The following RNF150 variants were observed in gnomAD, a reference collection of about 807,000 sequenced individuals.
RNF150 encodes ring finger protein 150.
RNF150 carries 24 observed loss-of-function variants against 39.3 expected under a neutral mutation model. That is an observed-to-expected ratio of 0.61 (90% confidence interval 0.44 to 0.86). RNF150 has a LOEUF of 0.86. RNF150 is among the 40% of genes least tolerant of loss of function. The pLI, the probability that RNF150 is intolerant of heterozygous loss-of-function variation, is 0.00. For missense variants in RNF150, 502 were observed against 587.8 expected (o/e 0.85, Z 1.51); for synonymous variants, 255 against 227.3 (o/e 1.12, Z -1.10).
At chr4:140,910,982 T>C in intron 6 of RNF150, 162 bp downstream of exon 6, 1 of 644,300 alleles carries the variant, frequency 1.6e-6, no homozygotes, top group Non-Finnish European at 2.7e-6. Context: ...CTGCTGGCTC[T>C]AGGAAAGGCA....
intron 1 of RNF150, among the ~76,000 whole-genome samples, chr4:141,183,602 A>T (rs1560771591): frequency 6.6e-6 from 1 of 152,024 alleles, no homozygotes; most frequent in African/African-American, 2.4e-5. Context: ...TTTGTTATAT[A>T]TGTATACATG....
chr4:140,898,045 T>C (rs866015108), intron 6 of RNF150, among the ~76,000 whole-genome samples: 1 of 152,166 alleles, frequency 6.6e-6, no homozygotes, highest in South Asian at 2.1e-4. Flanking sequence ...ACAGTGCCTT[T>C]ACTATCTGAT....
chr4:140,989,740 C>T (rs1734132679), intron 1 of RNF150, among the ~76,000 whole-genome samples: 2 of 151,786 alleles, frequency 1.3e-5, no homozygotes. Context: ...ATCCTTTCAC[C>T]TTGCTTTTTT....
intron 1 of RNF150, among the ~76,000 whole-genome samples, chr4:141,128,429 C>T (rs1323970552): frequency 1.3e-5 from 2 of 152,156 alleles, no homozygotes; most frequent in African/African-American, 2.4e-5. Flanking sequence ...AGAGGCTACA[C>T]TCCTATTTAA....
At chr4:141,005,853 G>T (rs1240617978) in intron 1 of RNF150, among the ~76,000 whole-genome samples, 1 of 130,642 alleles carries the variant, frequency 7.7e-6, no homozygotes, top group Non-Finnish European at 1.7e-5. Flanking sequence ...CGGATCACGA[G>T]GTCAGGAGAT....
intron 6 of RNF150, among the ~76,000 whole-genome samples, chr4:140,890,276 A>G (rs1484041399): frequency 6.6e-6 from 1 of 152,204 alleles, no homozygotes; most frequent in Non-Finnish European, 1.5e-5. Context: ...TTAATTCGTT[A>G]TGTATTTAAT....
At chr4:141,184,058 T>C (rs115020311) in intron 1 of RNF150, among the ~76,000 whole-genome samples, 2 of 152,184 alleles carry the variant, frequency 1.3e-5, no homozygotes, top group Admixed American at 1.3e-4. Flanking sequence ...GTATTTCTGA[T>C]TCTAGGTCCT....
intron 2 of RNF150, among the ~76,000 whole-genome samples, chr4:140,960,982 T>C (rs979389422): frequency 1.3e-5 from 2 of 152,084 alleles, no homozygotes; most frequent in African/African-American, 2.4e-5. Context: ...AGCCTGGGCA[T>C]AGAAAGGTGA....
At chr4:140,934,520 C>A (rs115809858) in intron 4 of RNF150, among the ~76,000 whole-genome samples, 1 of 151,926 alleles carries the variant, frequency 6.6e-6, no homozygotes, top group African/African-American at 2.4e-5. Context: ...TGTCCTTCTA[C>A]GAAAAGTCTG....
chr4:140,943,143 C>T (rs1732153254), intron 4 of RNF150, among the ~76,000 whole-genome samples: 2 of 152,178 alleles, frequency 1.3e-5, no homozygotes, highest in African/African-American at 4.8e-5. Context: ...GCACCAACAT[C>T]CCAGGGTCTT....
chr4:141,163,656 G>A (rs540840453), intron 1 of RNF150, among the ~76,000 whole-genome samples: 1 of 152,294 alleles, frequency 6.6e-6, no homozygotes, highest in East Asian at 1.9e-4. Flanking sequence ...TGATACCCAG[G>A]CAAGCATGGT....
At chr4:140,962,509 A>AT (rs1406320086) in intron 2 of RNF150, among the ~76,000 whole-genome samples, 1 of 151,196 alleles carries the variant, frequency 6.6e-6, no homozygotes, top group African/African-American at 2.4e-5. Flanking sequence ...TATATATATA[A>AT]AAGTTTCTCA....
chr4:140,949,840 C>A (rs1468057700), intron 2 of RNF150, among the ~76,000 whole-genome samples: 1 of 152,244 alleles, frequency 6.6e-6, no homozygotes, highest in Non-Finnish European at 1.5e-5. Flanking sequence ...ATAGGCATAA[C>A]GTTGGTTTAA....
At chr4:141,089,428 T>G (rs1301617480) in intron 1 of RNF150, among the ~76,000 whole-genome samples, 4 of 151,994 alleles carry the variant, frequency 2.6e-5, no homozygotes, top group Non-Finnish European at 4.4e-5. Flanking sequence ...GGGGGAAGAA[T>G]CCTGAGCAAG....
At chr4:141,122,506 C>T (rs184539927) in intron 1 of RNF150, among the ~76,000 whole-genome samples, 21 of 152,314 alleles carry the variant, frequency 1.4e-4, no homozygotes, top group African/African-American at 4.6e-4. Context: ...ATAAAAGAAA[C>T]GATAACTGCT....
chr4:141,028,180 T>A (rs1229727961), intron 1 of RNF150, among the ~76,000 whole-genome samples: 1 of 152,170 alleles, frequency 6.6e-6, no homozygotes. Flanking sequence ...TAGACAACTG[T>A]TCCATTCAAA....
intron 1 of RNF150, among the ~76,000 whole-genome samples, chr4:141,126,478 G>C (rs773556208): frequency 3.3e-5 from 5 of 152,124 alleles, no homozygotes; most frequent in African/African-American, 4.8e-5. Flanking sequence ...GTCTGTTTCC[G>C]TAACATCTCC....
At chr4:141,176,277 C>G (rs1463155199) in intron 1 of RNF150, among the ~76,000 whole-genome samples, 1 of 152,088 alleles carries the variant, frequency 6.6e-6, no homozygotes, top group East Asian at 1.9e-4. Flanking sequence ...AATTCCCTTC[C>G]AAAGGCCCAA....
At chr4:141,194,427 C>A (rs1728165232) in intron 1 of RNF150, among the ~76,000 whole-genome samples, 1 of 152,128 alleles carries the variant, frequency 6.6e-6, no homozygotes, top group African/African-American at 2.4e-5. Context: ...TAGCTAATAT[C>A]ATTTTCATAT....
Sources: gnomAD v4.1 joint callset for allele counts (sites outside exome capture counted in the v4.1 genomes callset) on GRCh38, gnomAD v4.1.1 for gene constraint, MANE v1.5 for transcripts, NCBI Gene and HGNC (gene_info 2026-07-23, HGNC 2026-07-21) for gene names.